TENM1: variants seen among roughly 807,000 people sequenced by gnomAD.
TENM1 encodes teneurin transmembrane protein 1.
In TENM1, 35 loss-of-function variants were observed where a neutral mutation model predicts 174.8. The observed-to-expected ratio is 0.20, with a 90% CI of 0.15 to 0.27. TENM1 has a LOEUF of 0.27. Among genes scored for constraint, TENM1 ranks in the 10% least tolerant of loss-of-function variants. The pLI is 1.00. For missense variants in TENM1, 1,633 were observed against 2,130.1 expected, an observed-to-expected ratio of 0.77 and a Z score of 4.59; for synonymous variants, 781 against 798.7, an observed-to-expected ratio of 0.98 and a Z score of 0.37.
the TENM1 span, among the ~76,000 whole-genome samples, chrX:124,990,770 G>A: frequency 1.8e-5 from 2 of 112,149 alleles, no homozygotes; most frequent in South Asian, 7.4e-4. Flanking sequence ...TTTATCGATT[G>A]TCCAGCAGAA....
upstream of TENM1, among the ~76,000 whole-genome samples, chrX:124,965,952 A>G (rs532014532): frequency 1.2e-4 from 13 of 111,431 alleles, no homozygotes; most frequent in South Asian, 4.9e-3. Context: ...ATCCTTCCAT[A>G]ATATTCTTTA....
chrX:125,138,895 T>C, the TENM1 span, among the ~76,000 whole-genome samples: 2 of 111,044 alleles, frequency 1.8e-5, no homozygotes, highest in Non-Finnish European at 3.8e-5. Context: ...CCCCCATCCC[T>C]TTCTCCAGGG....
intron 5 of TENM1, among the ~76,000 whole-genome samples, chrX:124,685,747 C>A (rs2052347988): frequency 3.6e-5 from 4 of 110,484 alleles, no homozygotes. Context: ...TTAGTAGAGA[C>A]AGAGTTTCTC....
intron 14 of TENM1, among the ~76,000 whole-genome samples, chrX:124,554,498 G>T (rs1221700815): frequency 1.8e-5 from 2 of 111,878 alleles, no homozygotes; most frequent in East Asian, 5.6e-4. Flanking sequence ...ATTAATAAAT[G>T]GGTTGCTTCA....
intron 3 of TENM1, among the ~76,000 whole-genome samples, chrX:124,839,531 T>C (rs2056456685): frequency 9.0e-6 from 1 of 111,646 alleles, no homozygotes; most frequent in African/African-American, 3.3e-5. Context: ...TGTGCGTGTG[T>C]GTGTTTAGAA....
chrX:124,751,850 C>T (rs893062281), intron 3 of TENM1, among the ~76,000 whole-genome samples: 11 of 110,298 alleles, frequency 1.0e-4, no homozygotes, highest in Non-Finnish European at 2.1e-4. Flanking sequence ...CATAGTATTC[C>T]ACGGTGAATA....
chrX:124,618,367 T>C (rs910593526), intron 11 of TENM1, among the ~76,000 whole-genome samples: 1 of 112,159 alleles, frequency 8.9e-6, no homozygotes, highest in Non-Finnish European at 1.9e-5. Context: ...TTGTGACACC[T>C]GGTAGGGCAA....
chrX:124,410,415 A>C (rs912378990), intron 25 of TENM1, among the ~76,000 whole-genome samples: 1 of 111,975 alleles, frequency 8.9e-6, no homozygotes, highest in Non-Finnish European at 1.9e-5. Flanking sequence ...ACCATAAAAA[A>C]CCCTAGAAGA....
At chrX:124,670,025 T>G (rs2148432012) in intron 6 of TENM1, among the ~76,000 whole-genome samples, 1 of 111,775 alleles carries the variant, frequency 8.9e-6, no homozygotes, top group Admixed American at 9.6e-5. Context: ...TTACTTAACC[T>G]CTCTGTGCCT....
intron 11 of TENM1, among the ~76,000 whole-genome samples, chrX:124,597,638 A>T (rs1166899281): frequency 1.8e-5 from 2 of 110,654 alleles, no homozygotes; most frequent in South Asian, 7.7e-4. Flanking sequence ...CCGCTAAAGA[A>T]CTTATCCATG....
chrX:124,870,622 T>C (rs1265666464), intron 3 of TENM1, among the ~76,000 whole-genome samples: 2 of 110,305 alleles, frequency 1.8e-5, no homozygotes, highest in Admixed American at 1.9e-4. Context: ...TCAGCCACAG[T>C]GAAGTACCTA....
At chrX:124,566,868 T>C (rs180873469) in intron 11 of TENM1, among the ~76,000 whole-genome samples, 2 of 112,030 alleles carry the variant, frequency 1.8e-5, no homozygotes, top group African/African-American at 6.5e-5. Flanking sequence ...TTAGTACCTA[T>C]GGACCCTTAG....
chrX:125,158,549 A>G, the TENM1 span, among the ~76,000 whole-genome samples: 2 of 111,121 alleles, frequency 1.8e-5, no homozygotes, highest in East Asian at 5.7e-4. Context: ...AATCAGAAAA[A>G]TTTAGGGTTG....
chrX:124,410,821 C>G (rs1472582461), intron 25 of TENM1, among the ~76,000 whole-genome samples: 1 of 112,382 alleles, frequency 8.9e-6, no homozygotes, highest in African/African-American at 3.2e-5. Flanking sequence ...CAACCCTTGA[C>G]AAGCTCACTC....
chrX:124,817,988 C>G (rs755742338), intron 3 of TENM1, among the ~76,000 whole-genome samples: 9 of 110,854 alleles, frequency 8.1e-5, no homozygotes, highest in Non-Finnish European at 1.5e-4. Context: ...ATCAGCTATC[C>G]TAAAATTCAA....
At chrX:125,177,516 T>C in the TENM1 span, among the ~76,000 whole-genome samples, 1 of 112,577 alleles carries the variant, frequency 8.9e-6, no homozygotes, top group East Asian at 2.8e-4. Context: ...GTCATTGTTT[T>C]TTATTTTTCT....
At chrX:125,152,356 T>C in the TENM1 span, among the ~76,000 whole-genome samples, 1 of 111,298 alleles carries the variant, frequency 9.0e-6, no homozygotes, top group Non-Finnish European at 1.9e-5. Flanking sequence ...ACAGGTGTGG[T>C]TGAAAAGAAA....
intron 22 of TENM1, among the ~76,000 whole-genome samples, chrX:124,465,765 G>A (rs191333951): frequency 1.6e-3 from 173 of 108,878 alleles, no homozygotes; most frequent in African/African-American, 5.5e-3. Context: ...GCGAATCCCC[G>A]TGGTATTTAA....
the TENM1 span, among the ~76,000 whole-genome samples, chrX:125,163,860 G>A: frequency 2.7e-5 from 3 of 111,384 alleles, no homozygotes; most frequent in Non-Finnish European, 3.8e-5. Flanking sequence ...ACTTAAGTCT[G>A]TTTCCTAACA....
Sources: gnomAD v4.1 joint callset for allele counts (sites outside exome capture counted in the v4.1 genomes callset) on GRCh38, gnomAD v4.1.1 for gene constraint, MANE v1.5 for transcripts, NCBI Gene and HGNC (gene_info 2026-07-23, HGNC 2026-07-21) for gene names.